Variants in SPATC1L observed in about 807,000 individuals in gnomAD.
SPATC1L encodes speriolin-like protein.
In SPATC1L, 20 loss-of-function variants were observed where a neutral mutation model predicts 21.2. The observed-to-expected ratio is 0.94, with a 90% CI of 0.66 to 1.37. SPATC1L has a LOEUF of 1.37. Among genes scored for constraint, SPATC1L ranks in the 40% most tolerant of loss-of-function variants. The pLI, the probability that SPATC1L is intolerant of heterozygous loss-of-function variation, is 0.00. For synonymous variants in SPATC1L, 290 were observed against 234.5 expected (o/e 1.24, Z -2.16); for missense variants, 499 against 478.7 (o/e 1.04, Z -0.40).
At chr21:46,170,677 C>T (rs58520281) in intron 2 of SPATC1L, among the ~76,000 whole-genome samples, 237 of 27,302 alleles carry the variant, frequency 8.7e-3, no homozygotes, top group African/African-American at 0.011. Flanking sequence ...GGGGAGGAGC[C>T]TCCCTGCTCT....
At chr21:46,167,360 T>TAAAC (rs143796261) in intron 3 of SPATC1L, among the ~76,000 whole-genome samples, 16,027 of 152,104 alleles carry the variant, frequency 0.11, 1,469 homozygotes, top group African/African-American at 0.25. Flanking sequence ...AAACTTCAAA[T>TAAAC]AAGCTAATGA....
chr21:46,166,172 C>A (rs1213993280), intron 3 of SPATC1L, among the ~76,000 whole-genome samples: 1 of 152,084 alleles, frequency 6.6e-6, no homozygotes, highest in Non-Finnish European at 1.5e-5. Flanking sequence ...TTGAGACCAG[C>A]CTGGTCAATG....
Position 46,161,987 on chromosome 21 carries a change from C to A in SPATC1L, c.625G>T (p.Ala209Ser). 6.2e-7 allele frequency: 1 copy of A among 1,606,602 alleles called. No individual in the cohort carries two copies. Among genetic ancestry groups the A allele is most frequent in the South Asian group, 1.1e-5 (1 of 90,398 alleles). ...CGCGTCACGCCCGGGAACACGTAGG[C>A]CAGGATGCGGCGGTCCAGCTGGAAG... ...IAFQLDRRIL[A>S]YVFPGVTRLY... The change falls in exon 4 of 5, where the codon GCC becomes TCC. Residue 209 changes from alanine to serine, a missense_variant. Physicochemically the swap from Ala to Ser is moderately conservative, Grantham distance 99. Transcript: ENST00000291672.
Position 46,182,977 on chromosome 21 carries a change from G to T in SPATC1L, c.-161C>A, listed in dbSNP as rs1231544582. ...CACTGCCCTAGTGATGAGGTGCCCA[G>T]CACCCTGCCTGCCCCCGCGATGGCT... On this transcript the variant is annotated 5_prime_UTR_variant, in exon 2 of 5. In the 5' UTR this introduces an upstream ATG that the reference lacks. Transcript: ENST00000291672. 4 of 754,656 alleles carry T rather than the reference G, an allele frequency of 5.3e-6. No homozygotes were observed. In the East Asian group the frequency reaches 9.2e-5, roughly 17 times the overall value. The allele number at this position is 754,656 out of a possible 1,614,324, so 46.7% of individuals were successfully genotyped here. A position where few individuals can be genotyped will look rare whatever the true frequency, so the allele number is the denominator to read the frequency against.
intron 3 of SPATC1L, among the ~76,000 whole-genome samples, chr21:46,167,385 C>T (rs2079549091): frequency 6.6e-6 from 1 of 151,910 alleles, no homozygotes; most frequent in Non-Finnish European, 1.5e-5. Context: ...TCTTACAGAG[C>T]TAGAAATGCA....
intron 2 of SPATC1L, among the ~76,000 whole-genome samples, chr21:46,170,482 TC>T (rs375291941): frequency 2.2e-4 from 8 of 36,628 alleles, no homozygotes; most frequent in African/African-American, 6.1e-4. Context: ...GGGAGGAGCC[TC>T]CTGCTCTGTG....
chr21:46,174,836 A>C (rs1388855961), intron 2 of SPATC1L, among the ~76,000 whole-genome samples: 1 of 152,198 alleles, frequency 6.6e-6, no homozygotes, highest in Non-Finnish European at 1.5e-5. Context: ...AGAACTCTCC[A>C]CCCCAAAACA....
At chr21:46,164,372 C>T (rs1441068919) in intron 3 of SPATC1L, among the ~76,000 whole-genome samples, 1 of 152,074 alleles carries the variant, frequency 6.6e-6, no homozygotes, top group African/African-American at 2.4e-5. Flanking sequence ...ATTTCTTTCC[C>T]AATCACTTTT....
At chr21:46,181,693 C>T (rs961176762) in intron 2 of SPATC1L, among the ~76,000 whole-genome samples, 11 of 152,152 alleles carry the variant, frequency 7.2e-5, no homozygotes, top group East Asian at 1.9e-4. Context: ...GGCTCGTGCT[C>T]GCAGACAGCA....
At chr21:46,167,443 A>C (rs111340612) in intron 3 of SPATC1L, among the ~76,000 whole-genome samples, 16,061 of 152,276 alleles carry the variant, frequency 0.11, 1,485 homozygotes, top group African/African-American at 0.25. Context: ...AAGATCAGAG[A>C]AGAAATAAAT....
At chr21:46,175,610 A>G (rs7280683) in intron 2 of SPATC1L, among the ~76,000 whole-genome samples, 90 of 152,338 alleles carry the variant, frequency 5.9e-4, no homozygotes, top group African/African-American at 2.1e-3. Context: ...TGAACTAGGA[A>G]TAAATGGAAT....
At chr21:46,163,042 G>A (rs1274861885) in intron 3 of SPATC1L, among the ~76,000 whole-genome samples, 1 of 152,206 alleles carries the variant, frequency 6.6e-6, no homozygotes, top group Non-Finnish European at 1.5e-5. Flanking sequence ...CTGGAGGACG[G>A]GAAACAGTAT....
chr21:46,180,195 T>C (rs981278413), intron 2 of SPATC1L, among the ~76,000 whole-genome samples: 2 of 152,170 alleles, frequency 1.3e-5, no homozygotes, highest in Non-Finnish European at 2.9e-5. Context: ...AGCCCAGTGT[T>C]CAAGTGTGCC....
intron 2 of SPATC1L, among the ~76,000 whole-genome samples, chr21:46,169,498 G>A (rs1173277191): frequency 1.5e-5 from 2 of 134,772 alleles, no homozygotes; most frequent in Non-Finnish European, 3.2e-5. Context: ...ATCCTCTGTG[G>A]ATGGGGAGGA....
intron 2 of SPATC1L, among the ~76,000 whole-genome samples, chr21:46,181,554 C>G (rs1039568417): frequency 3.3e-5 from 5 of 152,226 alleles, no homozygotes; most frequent in African/African-American, 1.2e-4. Flanking sequence ...GCACACTGCG[C>G]CTGCTCAGAG....
intron 2 of SPATC1L, among the ~76,000 whole-genome samples, chr21:46,170,723 C>T (rs1306814859): frequency 7.5e-6 from 1 of 133,740 alleles, no homozygotes; most frequent in Non-Finnish European, 1.6e-5. Context: ...GAGCCTCCTG[C>T]TCTGTGAGCA....
chr21:46,168,464 C>A lies in SPATC1L; in HGVS notation c.388G>T (p.Asp130Tyr). The A allele has an allele frequency of 1.3e-6, 2 of 1,588,144 alleles. No individual in the cohort carries two copies. The highest frequency in any genetic ancestry group is 8.6e-7 in the Non-Finnish European group (1 of 1,166,920). Residue 130 changes from aspartate to tyrosine, a missense_variant, in exon 3 of 5, where the codon GAC becomes TAC. Coordinates refer to ENST00000291672, the MANE Select transcript of SPATC1L (RefSeq NM_001142854.2). ...CTCAGGAGCGGGGACAGCTTCCTGT[C>A]GGTGCCTCGGTGGCTATGTGGCTCT... is the stretch of plus-strand genomic sequence containing the variant. ...PPEPHSHRGT[D>Y]RKLSPLLSPL...
At chr21:46,174,017 C>A (rs1253602758) in intron 2 of SPATC1L, among the ~76,000 whole-genome samples, 2 of 152,106 alleles carry the variant, frequency 1.3e-5, no homozygotes, top group African/African-American at 2.4e-5. Flanking sequence ...CACCTTATAC[C>A]ACAATCAAAA....
At chr21:46,165,083 AG>A (rs1347393197) in intron 3 of SPATC1L, among the ~76,000 whole-genome samples, 1 of 152,220 alleles carries the variant, frequency 6.6e-6, no homozygotes, top group African/African-American at 2.4e-5. Flanking sequence ...AGACATAAAA[AG>A]GATAATAAGG....
Sources: gnomAD v4.1 joint callset for allele counts (sites outside exome capture counted in the v4.1 genomes callset) on GRCh38, gnomAD v4.1.1 for gene constraint, MANE v1.5 for transcripts, NCBI Gene and HGNC (gene_info 2026-07-23, HGNC 2026-07-21) for gene names.